Variants in ABCC8 observed in about 807,000 individuals in gnomAD.
ABCC8 encodes ATP binding cassette subfamily C member 8.
In ABCC8, 137 loss-of-function variants were observed where a neutral mutation model predicts 188.0. The ratio of observed to expected loss-of-function variants is 0.73; its 90% CI spans 0.63 to 0.84. The LOEUF (loss-of-function observed/expected upper bound fraction) is 0.84, where lower values mean the gene tolerates loss of function less well. ABCC8 is among the 40% of genes least tolerant of loss of function. The pLI is 0.00. For missense variants in ABCC8, 1,750 were observed against 2,072.7 expected (o/e 0.84, Z 3.02); for synonymous variants, 797 against 846.5 (o/e 0.94, Z 1.01).
chr11:17,442,616 G>A (rs1307314802), intron 10 of ABCC8, 104 bp downstream of exon 10: 1 of 1,165,828 alleles, frequency 8.6e-7, no homozygotes, highest in Non-Finnish European at 1.3e-6. Context: ...ATAATCTCAA[G>A]GCCTCCTGCT....
Position 17,395,848 on chromosome 11 carries a change from T to C in ABCC8, c.4198+4A>G. The C allele has an allele frequency of 1.3e-6, 2 of 1,575,208 alleles. No individual in the cohort carries two copies. Among genetic ancestry groups the C allele is most frequent in the Admixed American group, 1.8e-5 (1 of 54,584 alleles). On this transcript the variant is annotated splice_donor_region_variant and intron_variant, in intron 34 of 38. Coordinates refer to ENST00000389817, the MANE Select transcript of ABCC8 (RefSeq NM_000352.6). ...ACACGTGGGGTGCCCGCCTTACAAC[T>C]CACCTTCGAACGTGTCCACCATGCG...
At chr11:17,401,501 G>A (rs1954241247) in intron 29 of ABCC8, among the ~76,000 whole-genome samples, 2 of 152,196 alleles carry the variant, frequency 1.3e-5, no homozygotes, top group African/African-American at 4.8e-5. Flanking sequence ...GCTGAAGCTG[G>A]ACTTCAGGGG....
chr11:17,414,623 G>A lies in ABCC8; in HGVS notation c.2292-13C>T. 1.9e-6 allele frequency: 3 copies of A among 1,614,116 alleles called. No homozygotes were observed. The highest frequency in any genetic ancestry group is 2.5e-6 in the Non-Finnish European group (3 of 1,180,040). On this transcript the variant is annotated splice_polypyrimidine_tract_variant and intron_variant, in intron 18 of 38. Coordinates refer to ENST00000389817, the MANE Select transcript of ABCC8 (RefSeq NM_000352.6). ...GGGGCCTCTCTTCCTGGAAAAAGCA[G>A]GGCGGGAGTAGGGGGTGCGGAAGGC...
At chr11:17,451,675 C>T (rs1440448076) in intron 7 of ABCC8, among the ~76,000 whole-genome samples, 4 of 152,244 alleles carry the variant, frequency 2.6e-5, no homozygotes, top group Non-Finnish European at 5.9e-5. Flanking sequence ...TTTACCACAA[C>T]TTCATGGACA....
At chr11:17,400,059 G>A (rs1954157010) in intron 29 of ABCC8, among the ~76,000 whole-genome samples, 3 of 152,194 alleles carry the variant, frequency 2.0e-5, no homozygotes, top group African/African-American at 7.2e-5. Context: ...GGTTTGATAG[G>A]ACCAAACTCA....
chr11:17,410,279 A>C, intron 22 of ABCC8: 1 of 525,720 alleles, frequency 1.9e-6, no homozygotes, highest in Admixed American at 3.2e-5. Flanking sequence ...CCTTGAGTGT[A>C]CCATGGGGGG....
At chr11:17,468,853 C>T (rs903563183) in intron 3 of ABCC8, among the ~76,000 whole-genome samples, 41 of 152,146 alleles carry the variant, frequency 2.7e-4, no homozygotes, top group African/African-American at 9.2e-4. Flanking sequence ...TGCCCCATGG[C>T]ACATGCTCAG....
At chr11:17,440,079 C>G (rs1472520332) in intron 10 of ABCC8, among the ~76,000 whole-genome samples, 1 of 152,186 alleles carries the variant, frequency 6.6e-6, no homozygotes, top group East Asian at 1.9e-4. Context: ...CAGATGTCAC[C>G]TGCCCCCACT....
chr11:17,412,474 G>C (rs1476973831), intron 21 of ABCC8, among the ~76,000 whole-genome samples, 192 bp downstream of exon 21: 1 of 44,382 alleles, frequency 2.3e-5, no homozygotes, highest in African/African-American at 4.0e-5. Flanking sequence ...AGTCTGCAAT[G>C]GGTCATTTGT....
In ABCC8 at chr11:17,430,947, G is replaced by C. The variant is rs1293336696; in HGVS notation, c.1684C>G (p.His562Asp). 1 of 1,614,172 alleles carries C rather than the reference G, an allele frequency of 6.2e-7. No individual in the cohort carries two copies. Among genetic ancestry groups the C allele is most frequent in the South Asian group, 1.1e-5 (1 of 91,086 alleles). The part of the protein sequence containing the change: ...IAAVLITFVG[H>D]VSFFKEADFS... ...TCGGCCTCTTTGAAGAAGCTGACGTGGCCCACGAAAGTCTGTGGACAGAGG... is the reference window on the plus strand; with the variant it reads ...TCGGCCTCTTTGAAGAAGCTGACGTCGCCCACGAAAGTCTGTGGACAGAGG... Residue 562 changes from histidine to aspartate, a missense_variant, in exon 12 of 39, where the codon CAC (histidine) becomes GAC (aspartate). By Grantham distance (81) the His-to-Asp change is moderately conservative. Transcript: ENST00000389817.
At chr11:17,443,573 G>T in intron 8 of ABCC8, 1 of 499,086 alleles carries the variant, frequency 2.0e-6, no homozygotes, top group Non-Finnish European at 3.7e-6. Context: ...GCTGGTTGAA[G>T]CCTTAACTCT....
At chr11:17,415,004 C>CTTTT (rs750031942) in intron 18 of ABCC8, among the ~76,000 whole-genome samples, 4 of 141,796 alleles carry the variant, frequency 2.8e-5, no homozygotes, top group African/African-American at 1.0e-4. Flanking sequence ...AATGGAAGAA[C>CTTTT]TTTTTTTTTT....
rs576893666 is a variant in ABCC8, at chr11:17,450,324, T to TTCTCTCTCTCTCTC, written c.1177-1654_1177-1653insGAGAGAGAGAGAGA. 4.0e-4 allele frequency among the ~76,000 whole-genome samples: 30 copies of TTCTCTCTCTCTCTC among 75,710 alleles called. 1 individual carries two copies. The highest frequency in any genetic ancestry group is 1.7e-3 in the African/African-American group (29 of 17,074). 49.7% of individuals were successfully genotyped at this position (75,710 alleles called of 152,430 possible). A position where few individuals can be genotyped will look rare whatever the true frequency, so the allele number is the denominator to read the frequency against. On this transcript the variant is annotated intron_variant, in intron 7 of 38. Transcript: ENST00000389817. The stretch of plus-strand genomic sequence containing the variant: ...TTTCTTTCTTTCTTTCTTTCTTTCT[T>TTCTCTCTCTCTCTC]TCTCTCTCTCTCTTTCCTTTCTTTC...
chr11:17,443,448 A>T (rs1459813841), intron 8 of ABCC8, 136 bp from the exon 9 acceptor site: 2 of 1,444,444 alleles, frequency 1.4e-6, no homozygotes, highest in Non-Finnish European at 1.9e-6. Context: ...TATCTTGGGG[A>T]GTGGAGTGCA....
At chr11:17,423,391 G>A (rs1323060001) in intron 16 of ABCC8, among the ~76,000 whole-genome samples, 2 of 147,902 alleles carry the variant, frequency 1.4e-5, no homozygotes, top group African/African-American at 5.0e-5. Context: ...CAGGGGCCAC[G>A]TCTTAGTCAC....
intron 33 of ABCC8, 101 bp downstream of exon 33, chr11:17,396,815 C>T: frequency 1.3e-6 from 2 of 1,485,290 alleles, no homozygotes; most frequent in Admixed American, 1.8e-5. Context: ...GGCCTCGGCC[C>T]TGGAGGGCCA....
At chr11:17,460,348 G>T in intron 6 of ABCC8, 140 bp downstream of exon 6, 1 of 1,316,020 alleles carries the variant, frequency 7.6e-7, no homozygotes, top group Non-Finnish European at 1.1e-6. Context: ...TTCTGTGGTG[G>T]GGATACTGCT....
intron 2 of ABCC8, among the ~76,000 whole-genome samples, chr11:17,470,785 T>C (rs118153099): frequency 2.0e-5 from 3 of 152,340 alleles, no homozygotes; most frequent in Non-Finnish European, 2.9e-5. Flanking sequence ...GGATGGGGAA[T>C]GGAGCAGTCA....
In ABCC8 at chr11:17,463,563, TG is replaced by T; in HGVS notation, c.453del (p.Ile152SerfsTer25). On this transcript the variant is annotated frameshift_variant, in exon 4 of 39. Transcript: ENST00000389817. LOFTEE classifies it high-confidence loss of function. ...TGGTCCAAGAACTTGACAAACTTGA[TG>T]GTCTTGGTGATGAAGGCCAGGGTCC... Reference protein sequence around the residue: ...VYWTLAFITKTIKFVKFLDHA... With the variant: ...VYWTLAFITKXIKFVKFLDHA... 6.3e-7 allele frequency: 1 copy of T among 1,592,838 alleles called. No homozygotes were observed. The highest frequency in any genetic ancestry group is 1.1e-5 in the South Asian group (1 of 87,252).
Sources: gnomAD v4.1 joint callset for allele counts (sites outside exome capture counted in the v4.1 genomes callset) on GRCh38, gnomAD v4.1.1 for gene constraint, MANE v1.5 for transcripts, NCBI Gene and HGNC (gene_info 2026-07-23, HGNC 2026-07-21) for gene names.